The following CAMTA1 variants were observed in gnomAD, a reference collection of about 807,000 sequenced individuals.
CAMTA1 encodes the protein calmodulin-binding transcription activator 1.
A neutral mutation model predicts 170.9 loss-of-function variants in CAMTA1; 27 were observed. The observed-to-expected ratio is 0.16, with a 90% confidence interval of 0.12 to 0.22. CAMTA1 has a LOEUF of 0.22. Ranked by LOEUF, CAMTA1 falls within the 10% of genes least tolerant of loss-of-function variation. The pLI, the probability that CAMTA1 is intolerant of heterozygous loss-of-function variation, is 1.00. For synonymous variants in CAMTA1, 833 were observed against 891.5 expected, an observed-to-expected ratio of 0.93 and a Z score of 1.17; for missense variants, 1,619 against 2,217.2, an observed-to-expected ratio of 0.73 and a Z score of 5.42.
At chr1:7,116,853 C>T (rs1201427352) in intron 4 of CAMTA1, among the ~76,000 whole-genome samples, 5 of 151,294 alleles carry the variant, frequency 3.3e-5, no homozygotes, top group Middle Eastern at 3.2e-3. Context: ...GGGGTTTCAC[C>T]GTGTTAGCCA....
intron 5 of CAMTA1, among the ~76,000 whole-genome samples, chr1:7,420,536 G>A (rs976105703): frequency 6.6e-6 from 1 of 152,052 alleles, no homozygotes; most frequent in Admixed American, 6.6e-5. Context: ...GAATAGGCCA[G>A]GGAGGGTTTC....
rs544275927 is a variant in CAMTA1 at position 7,659,046 on chromosome 1, C to G, written c.665-2680C>G. 1.1e-4 allele frequency among the ~76,000 whole-genome samples: 17 copies of G among 152,294 alleles called. No individual in the cohort carries two copies. The South Asian group carries it at 3.3e-3, about 30-fold the overall frequency. On this transcript the variant is annotated intron_variant, in intron 7 of 22. Transcript: ENST00000303635. Reference sequence around the variant, plus strand: ...CTTAGTGACCCACCAGAATCCCAGGCCCCCTGAGAATAAGTGAAGATGCAG... The same window carrying G: ...CTTAGTGACCCACCAGAATCCCAGGGCCCCTGAGAATAAGTGAAGATGCAG...
chr1:7,619,310 A>G (rs1427714546), intron 6 of CAMTA1, among the ~76,000 whole-genome samples: 1 of 152,234 alleles, frequency 6.6e-6, no homozygotes, highest in East Asian at 1.9e-4. Context: ...TGCGAACTGC[A>G]GGGTCAGCCT....
intron 3 of CAMTA1, among the ~76,000 whole-genome samples, chr1:7,058,513 T>C (rs897666965): frequency 1.3e-5 from 2 of 152,164 alleles, no homozygotes; most frequent in Non-Finnish European, 2.9e-5. Flanking sequence ...ATGTAGTTTC[T>C]TGGTGCAGAG....
chr1:7,711,624 C>T (rs2096571340), intron 11 of CAMTA1, among the ~76,000 whole-genome samples: 1 of 152,206 alleles, frequency 6.6e-6, no homozygotes, highest in Non-Finnish European at 1.5e-5. Flanking sequence ...TGGATATTGA[C>T]TAACAATTTC....
intron 3 of CAMTA1, among the ~76,000 whole-genome samples, chr1:6,899,605 A>G (rs1557788212): frequency 6.9e-6 from 1 of 144,632 alleles, no homozygotes; most frequent in East Asian, 2.0e-4. Context: ...GAGTTTCACT[A>G]TCTCATAATA....
At chr1:7,090,720 C>G (rs1641353483) in intron 3 of CAMTA1, among the ~76,000 whole-genome samples, 1 of 152,138 alleles carries the variant, frequency 6.6e-6, no homozygotes, top group South Asian at 2.1e-4. Context: ...CGTTGCTCTT[C>G]TTTTGGATGT....
At chr1:7,573,935 G>A (rs1287503784) in intron 6 of CAMTA1, among the ~76,000 whole-genome samples, 1 of 151,946 alleles carries the variant, frequency 6.6e-6, no homozygotes, top group Non-Finnish European at 1.5e-5. Context: ...CACCATGCCC[G>A]GCTAATTTTT....
intron 1 of CAMTA1, among the ~76,000 whole-genome samples, chr1:6,790,663 A>G (rs1240912474): frequency 3.3e-5 from 5 of 152,272 alleles, no homozygotes; most frequent in South Asian, 4.1e-4. Flanking sequence ...TTTCACTGCC[A>G]TGAAGAATTA....
intron 18 of CAMTA1, among the ~76,000 whole-genome samples, chr1:7,746,571 A>G (rs1450115802): frequency 6.6e-6 from 1 of 152,232 alleles, no homozygotes; most frequent in Admixed American, 6.5e-5. Flanking sequence ...TGGCTGGGAC[A>G]AGGGCCCATC....
At chr1:7,405,547 T>A (rs1171084342) in intron 5 of CAMTA1, among the ~76,000 whole-genome samples, 1 of 10,214 alleles carries the variant, frequency 9.8e-5, no homozygotes, top group Non-Finnish European at 2.3e-4. Context: ...ATTTTTGTAT[T>A]TTTTTTTAGA....
chr1:7,413,776 A>T (rs1023040055), intron 5 of CAMTA1, among the ~76,000 whole-genome samples: 1 of 152,202 alleles, frequency 6.6e-6, no homozygotes, highest in African/African-American at 2.4e-5. Flanking sequence ...TGCCCTGGCC[A>T]GAACTTCCAA....
intron 7 of CAMTA1, among the ~76,000 whole-genome samples, chr1:7,659,759 C>T (rs551640650): frequency 1.3e-5 from 2 of 152,366 alleles, no homozygotes; most frequent in South Asian, 2.1e-4. Context: ...CTGGGTGTCA[C>T]AGTCATTACT....
At chr1:6,960,043 T>A (rs1690104893) in intron 3 of CAMTA1, among the ~76,000 whole-genome samples, 1 of 152,198 alleles carries the variant, frequency 6.6e-6, no homozygotes, top group African/African-American at 2.4e-5. Flanking sequence ...GCATGAGAAA[T>A]TAAATAACCA....
intron 6 of CAMTA1, among the ~76,000 whole-genome samples, chr1:7,520,749 C>T (rs892342931): frequency 5.9e-5 from 9 of 152,166 alleles, no homozygotes; most frequent in Admixed American, 5.9e-4. Context: ...GCCACACAGC[C>T]TCGTGCATCT....
At chr1:7,057,276 G>A (rs1236433030) in intron 3 of CAMTA1, among the ~76,000 whole-genome samples, 7 of 152,126 alleles carry the variant, frequency 4.6e-5, no homozygotes, top group Middle Eastern at 3.2e-3. Context: ...CTCCCGTCCC[G>A]GTTCCCCTGG....
chr1:7,212,426 CT>C (rs1300977450), intron 4 of CAMTA1, among the ~76,000 whole-genome samples: 2 of 151,968 alleles, frequency 1.3e-5, no homozygotes, highest in Non-Finnish European at 2.9e-5. Flanking sequence ...TTTTGTGTTT[CT>C]TTGCTGAGAT....
intron 5 of CAMTA1, among the ~76,000 whole-genome samples, chr1:7,328,104 G>A (rs1432399770): frequency 6.6e-6 from 1 of 152,172 alleles, no homozygotes; most frequent in African/African-American, 2.4e-5. Flanking sequence ...CATTTTCACT[G>A]TGATGTACTA....
intron 6 of CAMTA1, among the ~76,000 whole-genome samples, chr1:7,529,374 T>A (rs1405486959): frequency 6.6e-6 from 1 of 152,048 alleles, no homozygotes. Flanking sequence ...GCATACCATG[T>A]GGGAATCTGG....
Sources: allele counts gnomAD v4.1 joint callset (sites outside exome capture counted in the v4.1 genomes callset), GRCh38; gene constraint gnomAD v4.1.1; transcripts MANE v1.5; gene names NCBI Gene and HGNC (gene_info 2026-07-23, HGNC 2026-07-21).